The following SLC24A3 variants were observed in gnomAD, a reference collection of about 807,000 sequenced individuals.
SLC24A3 encodes sodium/potassium/calcium exchanger 3.
In SLC24A3, 28 loss-of-function variants were observed where a neutral mutation model predicts 75.8. The ratio of observed to expected loss-of-function variants is 0.37; its 90% CI spans 0.27 to 0.51. The LOEUF (loss-of-function observed/expected upper bound fraction) is 0.51. Among genes scored for constraint, SLC24A3 ranks in the 20% least tolerant of loss-of-function variants. The probability of loss-of-function intolerance (pLI) is 0.94; values close to 1 mark genes in which losing one functional copy is unlikely to be tolerated. For missense variants in SLC24A3, 663 were observed against 847.8 expected, an observed-to-expected ratio of 0.78 and a Z score of 2.71; for synonymous variants, 372 against 334.1, an observed-to-expected ratio of 1.11 and a Z score of -1.24.
chr20:19,316,918 C>T (rs941079178), intron 2 of SLC24A3, among the ~76,000 whole-genome samples: 2 of 152,082 alleles, frequency 1.3e-5, no homozygotes, highest in African/African-American at 4.8e-5. Flanking sequence ...TTGTGGTTTG[C>T]TGCAAAGATC....
chr20:19,272,453 G>A (rs1983358163), intron 1 of SLC24A3, among the ~76,000 whole-genome samples: 1 of 152,252 alleles, frequency 6.6e-6, no homozygotes, highest in Non-Finnish European at 1.5e-5. Context: ...CTGGGCACAT[G>A]AGTCACCTTG....
rs200323645 is a variant in SLC24A3 at position 19,334,373 on chromosome 20, TA to T, written c.271+53294del. Among the ~76,000 whole-genome samples the T allele has an allele frequency of 3.0e-3, 424 of 143,050 alleles. 4 individuals carry two copies. Among genetic ancestry groups the T allele is most frequent in the African/African-American group, 0.011 (386 of 34,686 alleles). 93.8% of individuals were successfully genotyped at this position (143,050 alleles called of 152,430 possible). On this transcript the variant is annotated intron_variant, in intron 2 of 16. Coordinates refer to ENST00000328041, the MANE Select transcript of SLC24A3 (RefSeq NM_020689.4). ...ATCAAACTGAGAAATATCAACACAG[TA>T]AAAAAAATAAAGAGTGCTATGAAGC...
rs2032644070 is a variant in SLC24A3 at position 19,684,048 on chromosome 20, G to A, written c.902-128G>A. 2.9e-6 allele frequency: 3 copies of A among 1,038,252 alleles called. No homozygotes were observed. In the Admixed American group the frequency reaches 6.8e-5, roughly 23 times the overall value. The allele number at this position is 1,038,252 out of a possible 1,614,324, so 64.3% of individuals were successfully genotyped here. A position where few individuals can be genotyped will look rare whatever the true frequency, so the allele number is the denominator to read the frequency against. ...GGAAAGAAGAGTGGATGAGTGGATA[G>A]ATGGATGGGTGAATGGATGGGAGGA... On this transcript the variant is annotated intron_variant, in intron 10 of 16. Transcript: ENST00000328041.
chr20:19,350,966 C>T (rs1985551977), intron 2 of SLC24A3, among the ~76,000 whole-genome samples: 1 of 152,200 alleles, frequency 6.6e-6, no homozygotes, highest in African/African-American at 2.4e-5. Flanking sequence ...TACCTTTTCT[C>T]TCCTCCTGTA....
chr20:19,543,047 A>G (rs2030528620), intron 3 of SLC24A3, among the ~76,000 whole-genome samples: 1 of 152,226 alleles, frequency 6.6e-6, no homozygotes, highest in African/African-American at 2.4e-5. Context: ...GAGACACAGT[A>G]AGTGCTCAGT....
chr20:19,401,765 C>T (rs1986555937), intron 2 of SLC24A3, among the ~76,000 whole-genome samples: 1 of 152,192 alleles, frequency 6.6e-6, no homozygotes, highest in South Asian at 2.1e-4. Flanking sequence ...ATGCCCTTGT[C>T]CAAGAATCCC....
intron 15 of SLC24A3, among the ~76,000 whole-genome samples, chr20:19,709,421 A>G (rs1449493329): frequency 2.0e-5 from 3 of 152,086 alleles, no homozygotes; most frequent in Admixed American, 6.6e-5. Flanking sequence ...GGACTCTTAC[A>G]AACATGGTAG....
intron 2 of SLC24A3, among the ~76,000 whole-genome samples, chr20:19,360,613 T>C (rs1600447555): frequency 1.3e-5 from 2 of 152,358 alleles, no homozygotes; most frequent in East Asian, 3.9e-4. Flanking sequence ...CTTGGTATCT[T>C]AACATGTGGA....
rs1242654266 is a variant in SLC24A3, at chr20:19,479,722, C to G, written c.272-35766C>G. Among the ~76,000 whole-genome samples, 6 of 152,336 alleles carry G rather than the reference C, an allele frequency of 3.9e-5. No individual in the cohort carries two copies. The East Asian group carries it at 1.2e-3, about 29-fold the overall frequency. On this transcript the variant is annotated intron_variant, in intron 2 of 16. Coordinates refer to ENST00000328041, the MANE Select transcript of SLC24A3 (RefSeq NM_020689.4). The stretch of plus-strand genomic sequence containing the variant: ...AGGCTGTGGGTTTTACCCTCCAGCT[C>G]CCATCAGTCATTGGCTGGAGCTGCA...
intron 2 of SLC24A3, among the ~76,000 whole-genome samples, chr20:19,403,348 A>G (rs984914594): frequency 6.6e-6 from 1 of 152,198 alleles, no homozygotes; most frequent in South Asian, 2.1e-4. Context: ...TAGAGAATGA[A>G]GTTTTGCCTG....
At chr20:19,257,097 G>A (rs1025769223) in intron 1 of SLC24A3, among the ~76,000 whole-genome samples, 1 of 152,132 alleles carries the variant, frequency 6.6e-6, no homozygotes, top group Non-Finnish European at 1.5e-5. Flanking sequence ...TGGTATCATG[G>A]CTATGACCCA....
At chr20:19,288,263 GTAAACAAACAGGATGAAA>G (rs1178552446) in intron 2 of SLC24A3, among the ~76,000 whole-genome samples, 2 of 152,210 alleles carry the variant, frequency 1.3e-5, no homozygotes, top group Non-Finnish European at 2.9e-5. Context: ...AGTCCACTAT[GTAAACAAACAGGATGAAA>G]TAGGGAGCAG....
intron 2 of SLC24A3, among the ~76,000 whole-genome samples, chr20:19,286,932 G>A (rs1482222363): frequency 2.0e-5 from 3 of 152,212 alleles, no homozygotes; most frequent in Admixed American, 6.5e-5. Flanking sequence ...ACTAGCTTAT[G>A]TAACTTGAAC....
intron 15 of SLC24A3, among the ~76,000 whole-genome samples, chr20:19,705,258 G>A (rs2032916466): frequency 6.6e-6 from 1 of 152,186 alleles, no homozygotes; most frequent in Non-Finnish European, 1.5e-5. Context: ...CCTGGGCCAT[G>A]GTAACTGATA....
intron 1 of SLC24A3, among the ~76,000 whole-genome samples, chr20:19,234,213 G>A (rs1286286081): frequency 1.3e-5 from 2 of 152,170 alleles, no homozygotes; most frequent in African/African-American, 4.8e-5. Context: ...CATCAGCATC[G>A]CCCAGGTCCC....
intron 2 of SLC24A3, among the ~76,000 whole-genome samples, chr20:19,464,678 G>A (rs1390412526): frequency 1.3e-5 from 2 of 152,208 alleles, no homozygotes; most frequent in Non-Finnish European, 2.9e-5. Flanking sequence ...TACATACAGA[G>A]TACATTTGTC....
chr20:19,419,764 G>A (rs1986885315), intron 2 of SLC24A3, among the ~76,000 whole-genome samples: 1 of 151,930 alleles, frequency 6.6e-6, no homozygotes, highest in Non-Finnish European at 1.5e-5. Context: ...TTCAGAGATG[G>A]AGGCCACACG....
chr20:19,529,017 T>G lies in SLC24A3; in HGVS notation c.348+13453T>G, dbSNP rs145163655. 6.0e-3 allele frequency among the ~76,000 whole-genome samples: 908 copies of G among 152,308 alleles called. 6 individuals carry two copies. Among genetic ancestry groups the G allele is most frequent in the Middle Eastern group, 0.027 (8 of 294 alleles). ...ATAGTTGTATCCCCATGCTTAGATC[T>G]CAGTGTACACATTACACACACACAA... On this transcript the variant is annotated intron_variant, in intron 3 of 16. Coordinates refer to ENST00000328041, the MANE Select transcript of SLC24A3 (RefSeq NM_020689.4).
chr20:19,613,294 C>G (rs894833545), intron 6 of SLC24A3, among the ~76,000 whole-genome samples: 1 of 152,222 alleles, frequency 6.6e-6, no homozygotes, highest in Non-Finnish European at 1.5e-5. Context: ...GTTTCTTGCT[C>G]TATCCTCAGT....
Sources: gnomAD v4.1 joint callset for allele counts (sites outside exome capture counted in the v4.1 genomes callset) on GRCh38, gnomAD v4.1.1 for gene constraint, MANE v1.5 for transcripts, NCBI Gene and HGNC (gene_info 2026-07-23, HGNC 2026-07-21) for gene names.